The following NFATC4 variants were observed in gnomAD, a reference collection of about 807,000 sequenced individuals.
NFATC4 encodes the protein nuclear factor of activated T-cells, cytoplasmic 4.
Under a neutral mutation model 73.4 loss-of-function variants are expected in NFATC4, and 25 were observed. That is an observed-to-expected ratio of 0.34 (90% CI 0.25 to 0.48). The LOEUF is 0.48. Among genes scored for constraint, NFATC4 ranks in the 20% least tolerant of loss-of-function variants. The pLI is 0.99. For missense variants in NFATC4, 1,130 were observed against 1,203.7 expected (o/e 0.94, Z 0.91); for synonymous variants, 523 against 510.3 (o/e 1.02, Z -0.34).
upstream of NFATC4, chr14:24,367,095 C>A (rs2042328752): frequency 3.1e-6 from 5 of 1,613,814 alleles, no homozygotes; most frequent in Admixed American, 5.0e-5. Context: ...GCCAGCCTCG[C>A]CAGTATCTCC....
At chr14:24,375,798 G>C (rs2042598186) in intron 7 of NFATC4, 83 bp downstream of exon 7, 1 of 1,561,262 alleles carries the variant, frequency 6.4e-7, no homozygotes, top group African/African-American at 1.4e-5. Flanking sequence ...TTGCTCAGGG[G>C]AGTGGACTTT....
At chr14:24,367,654 G>T, upstream of NFATC4, 2 of 1,535,990 alleles carry the variant, frequency 1.3e-6, 1 homozygote, top group South Asian at 2.4e-5. Flanking sequence ...GTAGCCCCAG[G>T]CAAGGGAGGC....
chr14:24,368,533 G>A lies in NFATC4; in HGVS notation c.100+93G>A, dbSNP rs113492259. On this transcript the variant is annotated intron_variant, in intron 1 of 9. Transcript: ENST00000250373. The stretch of plus-strand genomic sequence containing the variant: ...AATTTAAGGCAGCGAGCCTAGGGTG[G>A]GGGGTGAGGGAGTCAGAGGTCGAAG... The A allele has an allele frequency of 2.2e-5, 27 of 1,207,372 alleles. No homozygotes were observed. The African/African-American group carries it at 2.5e-4, about 11-fold the overall frequency. 74.8% of individuals were successfully genotyped at this position (1,207,372 alleles called of 1,614,324 possible). A position where few individuals can be genotyped will look rare whatever the true frequency, so the allele number is the denominator to read the frequency against.
At position 24,378,039 on chromosome 14, in the gene NFATC4, A is replaced by C; in HGVS notation, c.*334A>C. The C allele has an allele frequency of 2.6e-6, 1 of 382,214 alleles. No homozygotes were observed. Among genetic ancestry groups the C allele is most frequent in the Non-Finnish European group, 4.9e-6 (1 of 204,896 alleles). 23.7% of individuals were successfully genotyped at this position (382,214 alleles called of 1,614,324 possible). Reference sequence around the variant, plus strand: ...GCTGGGGACAGGTTGATGGTAATAAACTGCTCAATGACCAGTGCTTCAGGC... The same window carrying C: ...GCTGGGGACAGGTTGATGGTAATAACCTGCTCAATGACCAGTGCTTCAGGC... On this transcript the variant is annotated 3_prime_UTR_variant, in exon 10 of 10. Coordinates refer to ENST00000250373, the MANE Select transcript of NFATC4 (RefSeq NM_004554.5).
Position 24,370,340 on chromosome 14 carries a change from C to T in NFATC4, c.942C>T (p.Pro314=), listed in dbSNP as rs1208056875. The change falls in exon 2 of 10, where the codon CCC becomes CCT. Residue 314 remains proline (P), a synonymous_variant. Transcript: ENST00000250373. ...PLARDPGSPG[P]FDYVGAPPAE... is the part of the protein sequence containing the mutation. ...CCCGGGACCCGGGCTCCCCTGGTCC[C>T]TTTGACTATGTGGGGGCCCCACCAG... 1.2e-6 allele frequency: 2 copies of T among 1,613,576 alleles called. No individual in the cohort carries two copies. The highest frequency in any genetic ancestry group is 2.2e-5 in the East Asian group (1 of 44,876).
Position 24,372,479 on chromosome 14 carries a change from G to T in NFATC4, c.1235G>T (p.Ser412Ile). ...CCCCCACTGGACTGGCCTCTGCCCA[G>T]CCAATATGAGCAGCTGGAGCTGAGG... ...ALPPLDWPLP[S>I]QYEQLELRIE... is the part of the protein sequence containing the mutation. The change falls in exon 3 of 10, where the codon AGC becomes ATC. Residue 412 changes from serine (S) to isoleucine (I), a missense_variant. Around this residue, in one of 3 missense-constraint regions of NFATC4, gnomAD observed 585 missense variants for 574.3 expected, o/e 1.02. Coordinates refer to ENST00000250373, the MANE Select transcript of NFATC4 (RefSeq NM_004554.5). 1 of 1,613,906 alleles carries T rather than the reference G, an allele frequency of 6.2e-7. No homozygotes were observed. The highest frequency in any genetic ancestry group is 8.5e-7 in the Non-Finnish European group (1 of 1,180,010).
rs756375882 is a variant in NFATC4, at chr14:24,369,532, G to A, written c.134G>A (p.Arg45His). The A allele has an allele frequency of 9.9e-6, 16 of 1,609,982 alleles. No homozygotes were observed. Among genetic ancestry groups the A allele is most frequent in the Middle Eastern group, 1.6e-4 (1 of 6,072 alleles). The change falls in exon 2 of 10, where the codon CGT becomes CAT. Residue 45 changes from arginine to histidine, a missense_variant. This residue lies in a region of NFATC4 where 585 missense variants were observed against 574.3 expected (regional missense o/e 1.02). Transcript: ENST00000250373. ...LDSEDAPPCC[R>H]LALGEPPPYG... is the part of the protein sequence containing the mutation. ...TCAGAGGATGCCCCGCCATGCTGCC[G>A]TCTGGCCTTGGGAGAGCCCCCTCCC...
Position 24,370,561 on chromosome 14 carries a change from A to G in NFATC4, c.1163A>G (p.Lys388Arg). The G allele has an allele frequency of 6.2e-7, 1 of 1,612,384 alleles. No individual in the cohort carries two copies. The highest frequency in any genetic ancestry group is 8.5e-7 in the Non-Finnish European group (1 of 1,178,564). The stretch of plus-strand genomic sequence containing the variant: ...GTGCCCTCCCCACTCGCTTGGTCCA[A>G]GGCCCGGATTGGGGGACACAGCCCT... ...LAVPSPLAWS[K>R]ARIGGHSPIF... The change falls in exon 2 of 10, where the codon AAG becomes AGG. Residue 388 changes from lysine to arginine, a missense_variant. Physicochemically the swap from Lys to Arg is conservative, Grantham distance 26. This residue lies in a region of NFATC4 where 585 missense variants were observed against 574.3 expected (regional missense o/e 1.02). Transcript: ENST00000250373.
chr14:24,369,467 C>T, intron 1 of NFATC4, 32 bp from the exon 2 acceptor site: 3 of 1,612,842 alleles, frequency 1.9e-6, no homozygotes, highest in Admixed American at 1.7e-5. Context: ...CTCTTTCCCC[C>T]TCTCCCTCTG....
rs2042650631 is a variant in NFATC4 at position 24,377,312 on chromosome 14, T to G, written c.2642-326T>G. On this transcript the variant is annotated intron_variant, in intron 9 of 9. Coordinates refer to ENST00000250373, the MANE Select transcript of NFATC4 (RefSeq NM_004554.5). This position sits in a 1 kb window ranked among gnomAD's most constrained non-coding sequence, Gnocchi z 4.2. The stretch of plus-strand genomic sequence containing the variant: ...GGTCAGGGTTGGTGAGGAGGAGCTT[T>G]CCTGTTTTGCCTCTCCTTCTTCCCA... 21 of 1,267,928 alleles carry G rather than the reference T, an allele frequency of 1.7e-5. No homozygotes were observed. The highest frequency in any genetic ancestry group is 1.8e-5 in the Non-Finnish European group (18 of 1,006,568). 78.5% of individuals were successfully genotyped at this position (1,267,928 alleles called of 1,614,324 possible). A position where few individuals can be genotyped will look rare whatever the true frequency, so the allele number is the denominator to read the frequency against.
At position 24,369,905 on chromosome 14, in the gene NFATC4, A is replaced by G; in HGVS notation, c.507A>G (p.Pro169=). ...GGQGGGAFFS[P]SPGSSSLSSW... ...AGGGTGGGGGGGCCTTCTTCAGCCC[A>G]AGCCCTGGCAGCAGCAGCCTGTCCT... is the stretch of plus-strand genomic sequence containing the variant. Residue 169 remains proline, a synonymous_variant, in exon 2 of 10, where the codon CCA becomes CCG. Coordinates refer to ENST00000250373, the MANE Select transcript of NFATC4 (RefSeq NM_004554.5). 1 of 1,612,398 alleles carries G rather than the reference A, an allele frequency of 6.2e-7. No homozygotes were observed. Among genetic ancestry groups the G allele is most frequent in the Non-Finnish European group, 8.5e-7 (1 of 1,179,728 alleles).
Position 24,374,541 on chromosome 14 carries a change from C to T in NFATC4, c.1873+75C>T, listed in dbSNP as rs1267513871. Reference sequence around the variant, plus strand: ...GCAGGTGAAACATCTCTGGCATTGTCACTAAACTGGCCAGTGGAGCCTCAG... The same window carrying T: ...GCAGGTGAAACATCTCTGGCATTGTTACTAAACTGGCCAGTGGAGCCTCAG... On this transcript the variant is annotated intron_variant, in intron 6 of 9. Coordinates refer to ENST00000250373, the MANE Select transcript of NFATC4 (RefSeq NM_004554.5). The T allele has an allele frequency of 2.1e-6, 3 of 1,461,908 alleles. No homozygotes were observed. In the Admixed American group the frequency reaches 6.1e-5, roughly 30 times the overall value. 90.6% of individuals were successfully genotyped at this position (1,461,908 alleles called of 1,614,324 possible).
intron 1 of NFATC4, 146 bp downstream of exon 1, chr14:24,368,586 G>T: frequency 1.5e-6 from 1 of 678,346 alleles, no homozygotes; most frequent in Non-Finnish European, 1.9e-6. Context: ...TTGGCCTGCG[G>T]AAGTGAGGCT....
At position 24,370,069 on chromosome 14, in the gene NFATC4, C is replaced by A; in HGVS notation, c.671C>A (p.Pro224Gln). ...PLPSPRASPRPWTPEDPWSLY... is the reference protein window; with the variant it reads ...PLPSPRASPRQWTPEDPWSLY... ...CCCTCGCCCCGGGCCTCCCCTCGGC[C>A]ATGGACCCCCGAAGATCCCTGGAGC... Residue 224 changes from proline to glutamine, a missense_variant, in exon 2 of 10, where the codon CCA (proline) becomes CAA (glutamine). Physicochemically the swap from Pro to Gln is moderately conservative, Grantham distance 76. This residue lies in a region of NFATC4 where 585 missense variants were observed against 574.3 expected (regional missense o/e 1.02). Transcript: ENST00000250373. The A allele has an allele frequency of 1.2e-6, 2 of 1,606,256 alleles. No individual in the cohort carries two copies. The highest frequency in any genetic ancestry group is 2.2e-5 in the East Asian group (1 of 44,866).
chr14:24,375,938 C>G, intron 7 of NFATC4, 37 bp from the exon 8 acceptor site: 1 of 1,613,014 alleles, frequency 6.2e-7, no homozygotes. Flanking sequence ...AGCCCAGATG[C>G]CCGAGGGCTC....
At chr14:24,374,579 T>C (rs990014939) in intron 6 of NFATC4, 113 bp downstream of exon 6, 8 of 1,054,678 alleles carry the variant, frequency 7.6e-6, no homozygotes, top group South Asian at 1.6e-5. Flanking sequence ...TTTTTATTTG[T>C]AAAATGGGAC....
At position 24,370,064 on chromosome 14, in the gene NFATC4, T is replaced by G. The variant is rs751305671; in HGVS notation, c.666T>G (p.Pro222=). 8.1e-6 allele frequency: 13 copies of G among 1,606,672 alleles called. No individual in the cohort carries two copies. The highest frequency in any genetic ancestry group is 1.3e-5 in the African/African-American group (1 of 74,772). Residue 222 remains proline, a synonymous_variant, in exon 2 of 10, where the codon CCT becomes CCG. Transcript: ENST00000250373. The stretch of plus-strand genomic sequence containing the variant: ...CGCTGCCCTCGCCCCGGGCCTCCCC[T>G]CGGCCATGGACCCCCGAAGATCCCT... ...GSPLPSPRAS[P]RPWTPEDPWS... is the part of the protein sequence containing the mutation.
chr14:24,369,421 G>C (rs1433304757), intron 1 of NFATC4, 78 bp from the exon 2 acceptor site: 1 of 1,607,988 alleles, frequency 6.2e-7, no homozygotes. Flanking sequence ...CTTGCGGCCT[G>C]GCCACTCAAG....
rs1391919721 is a variant in NFATC4, at chr14:24,376,113, G to A, written c.2056+12G>A. The stretch of plus-strand genomic sequence containing the variant: ...CAGGTTTCTGCCTGGTGCGCTCTGG[G>A]ACAGCCCATGGTGGGGGTATAGGGA... On this transcript the variant is annotated intron_variant, in intron 8 of 9. Transcript: ENST00000250373. The surrounding 1 kb of genome is among the most constrained non-coding windows in gnomAD (Gnocchi z 5.0). 2.5e-6 allele frequency: 4 copies of A among 1,613,938 alleles called. No homozygotes were observed. The East Asian group carries it at 8.9e-5, about 36-fold the overall frequency.
Sources: gnomAD v4.1 joint callset for allele counts on GRCh38, gnomAD v4.1.1 for gene constraint, gnomAD v4.1.1 regional missense constraint, Gnocchi (gnomAD v3.1) non-coding constraint, MANE v1.5 for transcripts, NCBI Gene and HGNC (gene_info 2026-07-23, HGNC 2026-07-21) for gene names.